PPP4R3B: variants seen among roughly 807,000 people sequenced by gnomAD.
The protein encoded by PPP4R3B is protein phosphatase 4 regulatory subunit 3B, also known as serine/threonine-protein phosphatase 4 regulatory subunit 3B.
Under a neutral mutation model 95.4 loss-of-function variants are expected in PPP4R3B, and 52 were observed. The ratio of observed to expected loss-of-function variants is 0.54; its 90% CI spans 0.44 to 0.69. The LOEUF (loss-of-function observed/expected upper bound fraction) is 0.69, where lower values mean the gene tolerates loss of function less well. Ranked by LOEUF, PPP4R3B falls within the 30% of genes least tolerant of loss-of-function variation. The probability of loss-of-function intolerance (pLI) is 0.00; values close to 1 mark genes in which losing one functional copy is unlikely to be tolerated. For missense variants in PPP4R3B, 1,003 were observed against 1,005.9 expected, an observed-to-expected ratio of 1.00 and a Z score of 0.04; for synonymous variants, 407 against 343.9, an observed-to-expected ratio of 1.18 and a Z score of -2.03.
chr2:55,617,261 T>C lies in PPP4R3B; in HGVS notation c.25A>G (p.Lys9Glu). MSDTRRRVKVYTLNEDRQW... is the reference protein window; with the variant it reads MSDTRRRVEVYTLNEDRQW... Reference sequence around the variant, plus strand: ...CGGTCTTCGTTCAGGGTATAGACCTTCACTCGCCGCCGCGTATCCGACATG... The same window carrying C: ...CGGTCTTCGTTCAGGGTATAGACCTCCACTCGCCGCCGCGTATCCGACATG... The change falls in exon 1 of 17, where the codon AAG becomes GAG. Residue 9 changes from lysine (K) to glutamate (E), a missense_variant. Physicochemically the swap from Lys to Glu is moderately conservative, Grantham distance 56. Transcript: ENST00000616407. 6 of 1,603,512 alleles carry C rather than the reference T, an allele frequency of 3.7e-6. No homozygotes were observed. The highest frequency in any genetic ancestry group is 5.1e-6 in the Non-Finnish European group (6 of 1,173,402).
intron 4 of PPP4R3B, among the ~76,000 whole-genome samples, chr2:55,594,246 A>AT (rs983420671): frequency 9.9e-5 from 15 of 151,054 alleles, no homozygotes; most frequent in African/African-American, 1.7e-4. Flanking sequence ...AATCTCCACC[A>AT]TTACTCATGC....
chr2:55,597,500 T>C (rs1691962123), intron 4 of PPP4R3B, among the ~76,000 whole-genome samples: 1 of 152,118 alleles, frequency 6.6e-6, no homozygotes, highest in Non-Finnish European at 1.5e-5. Flanking sequence ...CGGGCGCCTG[T>C]AGTCCCAGCT....
At chr2:55,578,183 C>T (rs1221492329) in intron 10 of PPP4R3B, 64 bp downstream of exon 10, 1 of 1,256,548 alleles carries the variant, frequency 8.0e-7, no homozygotes. Flanking sequence ...AAAAATAATA[C>T]CGTATATACA....
chr2:55,617,280 C>T lies in PPP4R3B; in HGVS notation c.6G>A (p.Ser2=), dbSNP rs775602614. The T allele has an allele frequency of 6.3e-7, 1 of 1,595,842 alleles. No homozygotes were observed. The highest frequency in any genetic ancestry group is 8.6e-7 in the Non-Finnish European group (1 of 1,168,712). The part of the protein sequence containing the change: M[S]DTRRRVKVYT... The stretch of plus-strand genomic sequence containing the variant: ...AGACCTTCACTCGCCGCCGCGTATC[C>T]GACATGGTGGCTGCTGTCTCCACCG... The change falls in exon 1 of 17, where the codon TCG becomes TCA. Residue 2 remains serine (S), a synonymous_variant. Coordinates refer to ENST00000616407, the MANE Select transcript of PPP4R3B (RefSeq NM_001122964.3).
chr2:55,587,511 G>T (rs528041883), intron 5 of PPP4R3B, among the ~76,000 whole-genome samples: 2 of 152,338 alleles, frequency 1.3e-5, no homozygotes, highest in Admixed American at 1.3e-4. Flanking sequence ...TTGAACCCAG[G>T]AGGCGGAGGT....
At chr2:55,586,358 CTTAATA>C (rs1690142912) in intron 6 of PPP4R3B, among the ~76,000 whole-genome samples, 1 of 152,096 alleles carries the variant, frequency 6.6e-6, no homozygotes, top group African/African-American at 2.4e-5. Flanking sequence ...ATGAAACACA[CTTAATA>C]TTGTTACAGA....
chr2:55,555,640 C>G (rs987374688), intron 16 of PPP4R3B, among the ~76,000 whole-genome samples: 1 of 152,080 alleles, frequency 6.6e-6, no homozygotes, highest in Non-Finnish European at 1.5e-5. Context: ...GAAATACACA[C>G]GTATATGAAA....
chr2:55,557,764 T>C lies in PPP4R3B; in HGVS notation c.2454+1011A>G, dbSNP rs952638441. On this transcript the variant is annotated intron_variant, in intron 16 of 16. Transcript: ENST00000616407. ...TGCTTGTCTTTCTACCTTTATACAA[T>C]AGTTGTCCCCTATTTATGCCTTTTT... Among the ~76,000 whole-genome samples, 7 of 152,246 alleles carry C rather than the reference T, an allele frequency of 4.6e-5. No homozygotes were observed. In the South Asian group the frequency reaches 1.0e-3, roughly 23 times the overall value.
At chr2:55,552,994 T>C (rs1685421183) in intron 16 of PPP4R3B, among the ~76,000 whole-genome samples, 1 of 152,080 alleles carries the variant, frequency 6.6e-6, no homozygotes. Flanking sequence ...ACAGTTTAAT[T>C]ATAGTAAAAC....
At chr2:55,572,583 A>T (rs1471394785) in intron 12 of PPP4R3B, among the ~76,000 whole-genome samples, 1 of 152,208 alleles carries the variant, frequency 6.6e-6, no homozygotes, top group Non-Finnish European at 1.5e-5. Context: ...TGCTGGGACA[A>T]TGTCAAAGTG....
At chr2:55,559,294 C>A (rs1016920708) in intron 15 of PPP4R3B, among the ~76,000 whole-genome samples, 1 of 151,702 alleles carries the variant, frequency 6.6e-6, no homozygotes, top group Non-Finnish European at 1.5e-5. Context: ...TGTGGTGAGC[C>A]GAGATCGCAC....
chr2:55,586,666 G>GA lies in PPP4R3B; in HGVS notation c.1067dup (p.Lys357GlnfsTer13). On this transcript the variant is annotated frameshift_variant, in exon 6 of 17. Transcript: ENST00000616407. LOFTEE classifies it high-confidence loss of function. ...GAATTCCCAATTTTGCCAATGTTTT[G>GA]AAAAATGCATCCCTGTTTTGAGGTT... 1 of 1,609,850 alleles carries GA rather than the reference G, an allele frequency of 6.2e-7. No homozygotes were observed. Among genetic ancestry groups the GA allele is most frequent in the Non-Finnish European group, 8.5e-7 (1 of 1,178,248 alleles).
intron 16 of PPP4R3B, among the ~76,000 whole-genome samples, chr2:55,557,021 C>A (rs1444840121): frequency 6.6e-6 from 1 of 152,164 alleles, no homozygotes; most frequent in Non-Finnish European, 1.5e-5. Context: ...TGTGATCACA[C>A]CACTGCACTC....
intron 15 of PPP4R3B, among the ~76,000 whole-genome samples, chr2:55,560,966 G>A (rs1686532677): frequency 6.6e-6 from 1 of 152,152 alleles, no homozygotes; most frequent in African/African-American, 2.4e-5. Flanking sequence ...ATTTTCTGGG[G>A]AGAAATTCAA....
intron 10 of PPP4R3B, 30 bp from the exon 11 acceptor site, chr2:55,577,386 A>C: frequency 7.1e-7 from 1 of 1,417,146 alleles, no homozygotes; most frequent in Non-Finnish European, 9.3e-7. Context: ...TTAAAATAAA[A>C]TACTTCAGTA....
At position 55,585,596 on chromosome 2, in the gene PPP4R3B, A is replaced by G. The variant is rs538737895; in HGVS notation, c.1117-429T>C. On this transcript the variant is annotated intron_variant, in intron 6 of 16. Transcript: ENST00000616407. ...GAGTTACTCCTTAGTAACTGTTTCT[A>G]TTTCCTGTGACTCACCTAATAGAGC... 2.0e-5 allele frequency among the ~76,000 whole-genome samples: 3 copies of G among 152,224 alleles called. No homozygotes were observed. The East Asian group carries it at 5.8e-4, about 29-fold the overall frequency.
chr2:55,615,180 G>T (rs1307453318), intron 2 of PPP4R3B: 1 of 364,862 alleles, frequency 2.7e-6, no homozygotes, highest in Non-Finnish European at 5.0e-6. Context: ...CATGTACAAG[G>T]TATAGAAGAG....
At chr2:55,595,007 G>C (rs190274284) in intron 4 of PPP4R3B, among the ~76,000 whole-genome samples, 153 of 150,018 alleles carry the variant, frequency 1.0e-3, no homozygotes, top group Middle Eastern at 3.4e-3. Flanking sequence ...TCAATTATTT[G>C]TATCAGGACC....
chr2:55,556,995 G>T (rs1685925415), intron 16 of PPP4R3B, among the ~76,000 whole-genome samples: 1 of 152,194 alleles, frequency 6.6e-6, no homozygotes, highest in African/African-American at 2.4e-5. Flanking sequence ...CCCAGGAGGT[G>T]GCGGAGGCAG....
Sources: gnomAD v4.1 joint callset for allele counts (sites outside exome capture counted in the v4.1 genomes callset) on GRCh38, gnomAD v4.1.1 for gene constraint, MANE v1.5 for transcripts, NCBI Gene and HGNC (gene_info 2026-07-23, HGNC 2026-07-21) for gene names.